The following HRH1 variants were observed in gnomAD, a reference collection of about 807,000 sequenced individuals.
HRH1 encodes the protein histamine receptor H1.
Under a neutral mutation model 10.3 loss-of-function variants are expected in HRH1, and 6 were observed. That is an observed-to-expected ratio of 0.58 (90% confidence interval 0.32 to 1.15). The LOEUF (loss-of-function observed/expected upper bound fraction) is 1.15, where lower values mean the gene tolerates loss of function less well. Among genes scored for constraint, HRH1 ranks in the 50% most tolerant of loss-of-function variants. The probability of loss-of-function intolerance (pLI) is 0.05; values close to 1 mark genes in which losing one functional copy is unlikely to be tolerated. For synonymous variants in HRH1, 242 were observed against 236.7 expected (o/e 1.02, Z -0.21); for missense variants, 514 against 615.3 (o/e 0.84, Z 1.74).
chr3:11,194,656 A>C (rs1183055706), intron 1 of HRH1, among the ~76,000 whole-genome samples: 1 of 152,230 alleles, frequency 6.6e-6, no homozygotes, highest in African/African-American at 2.4e-5. Flanking sequence ...TGTACTAAAA[A>C]TACAAACAAT....
At chr3:11,229,516 A>G (rs929973355) in intron 1 of HRH1, among the ~76,000 whole-genome samples, 7 of 152,182 alleles carry the variant, frequency 4.6e-5, no homozygotes, top group Admixed American at 4.6e-4. Context: ...TGGTACAGAG[A>G]TGTACCATTA....
At chr3:11,147,423 T>G (rs2124997204) in intron 1 of HRH1, among the ~76,000 whole-genome samples, 1 of 152,318 alleles carries the variant, frequency 6.6e-6, no homozygotes, top group Admixed American at 6.5e-5. Flanking sequence ...ACTTTATAGA[T>G]AAGCACATGA....
intron 1 of HRH1, among the ~76,000 whole-genome samples, chr3:11,146,907 C>T (rs1217090560): frequency 1.3e-5 from 2 of 152,180 alleles, no homozygotes; most frequent in African/African-American, 4.8e-5. Flanking sequence ...GACAACTCAG[C>T]AGTGACCTGT....
intron 1 of HRH1, among the ~76,000 whole-genome samples, chr3:11,185,894 G>A (rs757426748): frequency 2.1e-4 from 32 of 152,100 alleles, no homozygotes; most frequent in African/African-American, 3.9e-4. Context: ...CCAGGGCTCC[G>A]GCACTTGCTG....
chr3:11,148,810 C>CTTTTTTTTTTTTTT (rs755029776), intron 1 of HRH1, among the ~76,000 whole-genome samples: 2 of 84,416 alleles, frequency 2.4e-5, no homozygotes, highest in East Asian at 4.1e-4. Context: ...AAACCACAGT[C>CTTTTTTTTTTTTTT]TTTTTTTTTT....
chr3:11,172,122 A>G (rs915984318), intron 1 of HRH1, among the ~76,000 whole-genome samples: 1 of 152,238 alleles, frequency 6.6e-6, no homozygotes, highest in Non-Finnish European at 1.5e-5. Context: ...AGACCTTGAA[A>G]ACCAGGCCAA....
intron 1 of HRH1, among the ~76,000 whole-genome samples, chr3:11,172,702 A>ATTTTTTTT (rs777309053): frequency 5.8e-5 from 7 of 121,412 alleles, no homozygotes; most frequent in South Asian, 5.2e-4. Context: ...CTTTTGGCGA[A>ATTTTTTTT]TCTTTTTTTT....
intron 1 of HRH1, among the ~76,000 whole-genome samples, chr3:11,206,337 G>C (rs111811895): frequency 0.023 from 3,431 of 152,108 alleles, 54 homozygotes; most frequent in African/African-American, 0.036. Context: ...AGGCTGGTCT[G>C]GAACTCCTGA....
At chr3:11,188,332 T>G (rs1207557671) in intron 1 of HRH1, among the ~76,000 whole-genome samples, 1 of 152,190 alleles carries the variant, frequency 6.6e-6, no homozygotes, top group Non-Finnish European at 1.5e-5. Flanking sequence ...CCAGGTGAGG[T>G]GGCTGACACT....
chr3:11,198,928 A>ACAT (rs1553573174), intron 1 of HRH1, among the ~76,000 whole-genome samples: 22 of 140,356 alleles, frequency 1.6e-4, no homozygotes, highest in African/African-American at 5.1e-4. Flanking sequence ...ACACACACAC[A>ACAT]TTTTTTTTTT....
intron 1 of HRH1, among the ~76,000 whole-genome samples, chr3:11,180,865 T>G (rs1937337307): frequency 6.6e-6 from 1 of 152,000 alleles, no homozygotes; most frequent in Non-Finnish European, 1.5e-5. Flanking sequence ...TTGACAGATA[T>G]TTGGATTGTT....
chr3:11,219,762 C>T (rs945749387), intron 1 of HRH1, among the ~76,000 whole-genome samples: 5 of 137,904 alleles, frequency 3.6e-5, no homozygotes, highest in African/African-American at 1.4e-4. Context: ...TAATGTGTAA[C>T]AATTCAATCA....
intron 1 of HRH1, among the ~76,000 whole-genome samples, chr3:11,166,355 C>T (rs1388457802): frequency 1.3e-5 from 2 of 152,238 alleles, no homozygotes; most frequent in Non-Finnish European, 2.9e-5. Flanking sequence ...TACCAAATAA[C>T]TCTCCTCTAT....
At chr3:11,227,945 G>A (rs889556405) in intron 1 of HRH1, among the ~76,000 whole-genome samples, 1 of 152,174 alleles carries the variant, frequency 6.6e-6, no homozygotes, top group Non-Finnish European at 1.5e-5. Context: ...AAAAACGAGG[G>A]GAGAATTGGG....
chr3:11,260,784 A>C lies in HRH1; in HGVS notation c.*283A>C. On this transcript the variant is annotated 3_prime_UTR_variant, in exon 2 of 2. Transcript: ENST00000431010. ...AAAAAGAAAAAAATAATAAAAATAAAAGAGAGAGAGAATCAGACCTGGGTG... is the reference window on the plus strand; with the variant it reads ...AAAAAGAAAAAAATAATAAAAATAACAGAGAGAGAGAATCAGACCTGGGTG... 2 of 358,488 alleles carry C rather than the reference A, an allele frequency of 5.6e-6. No homozygotes were observed. The highest frequency in any genetic ancestry group is 1.1e-5 in the Non-Finnish European group (2 of 189,714). The allele number at this position is 358,488 out of a possible 1,614,324, so 22.2% of individuals were successfully genotyped here.
intron 1 of HRH1, among the ~76,000 whole-genome samples, chr3:11,172,111 A>G (rs1306479938): frequency 6.6e-6 from 1 of 152,230 alleles, no homozygotes; most frequent in African/African-American, 2.4e-5. Context: ...CCAATCTCCA[A>G]AGACCTTGAA....
intron 1 of HRH1, among the ~76,000 whole-genome samples, chr3:11,176,389 T>A (rs6442235): frequency 2.6e-5 from 4 of 151,770 alleles, no homozygotes; most frequent in African/African-American, 7.3e-5. Context: ...AATCCAAAAC[T>A]CCCCCTCCCA....
At chr3:11,155,415 G>A (rs1936765077) in intron 1 of HRH1, among the ~76,000 whole-genome samples, 1 of 152,190 alleles carries the variant, frequency 6.6e-6, no homozygotes, top group African/African-American at 2.4e-5. Context: ...CCAGGAGCAG[G>A]AGCTGGAGTA....
At chr3:11,151,922 A>G (rs1936637478), upstream of HRH1, among the ~76,000 whole-genome samples, 1 of 152,194 alleles carries the variant, frequency 6.6e-6, no homozygotes, top group Non-Finnish European at 1.5e-5. Context: ...CAGAGCAGGT[A>G]TTTTTAATCT....
Sources: gnomAD v4.1 joint callset for allele counts (sites outside exome capture counted in the v4.1 genomes callset) on GRCh38, gnomAD v4.1.1 for gene constraint, MANE v1.5 for transcripts, NCBI Gene and HGNC (gene_info 2026-07-23, HGNC 2026-07-21) for gene names.